FOCAD: variants seen among roughly 807,000 people sequenced by gnomAD.
FOCAD encodes the protein focadhesin.
A neutral mutation model predicts 225.6 loss-of-function variants in FOCAD; 198 were observed. That is an observed-to-expected ratio of 0.88 (90% CI 0.78 to 0.99). The LOEUF (loss-of-function observed/expected upper bound fraction) is 0.99. Ranked by LOEUF, FOCAD falls within the 50% of genes least tolerant of loss-of-function variation. The probability of loss-of-function intolerance (pLI) is 0.00; values close to 1 mark genes in which losing one functional copy is unlikely to be tolerated. For synonymous variants in FOCAD, 897 were observed against 755.0 expected (o/e 1.19, Z -3.08); for missense variants, 2,713 against 2,123.6 (o/e 1.28, Z -5.46).
chr9:20,986,534 T>C, intron 40 of FOCAD, 69 bp downstream of exon 40: 1 of 1,383,258 alleles, frequency 7.2e-7, no homozygotes, highest in Non-Finnish European at 9.6e-7. Flanking sequence ...TAAGTTGCAC[T>C]TGAGTTCTCA....
At chr9:20,948,500 G>C in intron 31 of FOCAD, 107 bp downstream of exon 31, 1 of 1,193,314 alleles carries the variant, frequency 8.4e-7, no homozygotes, top group Admixed American at 2.5e-5. Flanking sequence ...AATGGTAAAA[G>C]AATAGGCAAT....
chr9:20,887,921 T>C (rs936689330), intron 21 of FOCAD, among the ~76,000 whole-genome samples: 2 of 152,128 alleles, frequency 1.3e-5, no homozygotes, highest in Non-Finnish European at 2.9e-5. Flanking sequence ...GTGGTTTTAA[T>C]TTGTGTTTCC....
At chr9:20,687,159 T>A (rs1002230807) in intron 1 of FOCAD, among the ~76,000 whole-genome samples, 3 of 152,196 alleles carry the variant, frequency 2.0e-5, no homozygotes, top group Non-Finnish European at 2.9e-5. Context: ...CTGTATAGCT[T>A]TCCATTGTTC....
chr9:20,710,193 A>G (rs900283039), intron 1 of FOCAD, among the ~76,000 whole-genome samples: 3 of 149,998 alleles, frequency 2.0e-5, no homozygotes, highest in Non-Finnish European at 4.4e-5. Flanking sequence ...AGATTAGATC[A>G]TCAGAAAACT....
intron 18 of FOCAD, among the ~76,000 whole-genome samples, chr9:20,868,216 C>T (rs987281515): frequency 1.3e-5 from 2 of 152,096 alleles, no homozygotes; most frequent in Non-Finnish European, 2.9e-5. Context: ...CATATGCAAA[C>T]ACCTGCCAAT....
chr9:20,925,900 T>C (rs1834891483), intron 25 of FOCAD, among the ~76,000 whole-genome samples: 1 of 152,238 alleles, frequency 6.6e-6, no homozygotes, highest in Non-Finnish European at 1.5e-5. Context: ...GGGCTGCTTA[T>C]TGCCTCCTTT....
intron 5 of FOCAD, among the ~76,000 whole-genome samples, chr9:20,752,301 T>G (rs1293023372): frequency 2.8e-4 from 42 of 150,984 alleles, no homozygotes; most frequent in Middle Eastern, 3.4e-3. Context: ...GGTCTAACGT[T>G]TAAGTCTTTA....
At chr9:20,993,185 G>T in intron 42 of FOCAD, 68 bp from the exon 43 acceptor site, 1 of 1,318,364 alleles carries the variant, frequency 7.6e-7, no homozygotes, top group South Asian at 1.2e-5. Context: ...ATAGGTCCAA[G>T]GGAATAACTG....
intron 22 of FOCAD, among the ~76,000 whole-genome samples, chr9:20,911,445 G>T (rs999181449): frequency 6.6e-6 from 1 of 152,062 alleles, no homozygotes; most frequent in African/African-American, 2.4e-5. Flanking sequence ...TTATAGTCTG[G>T]ATATTACATT....
intron 8 of FOCAD, among the ~76,000 whole-genome samples, chr9:20,771,376 G>A (rs761165804): frequency 1.3e-5 from 2 of 152,192 alleles, no homozygotes; most frequent in Non-Finnish European, 2.9e-5. Context: ...AGATGGAGGA[G>A]GGTTTGGGAC....
At chr9:20,966,835 G>A (rs1436150139) in intron 35 of FOCAD, among the ~76,000 whole-genome samples, 1 of 151,898 alleles carries the variant, frequency 6.6e-6, no homozygotes, top group Non-Finnish European at 1.5e-5. Context: ...AAATATATAC[G>A]TAATTTCTAC....
chr9:20,866,917 T>TTTTTTTTTTTTTTAAA lies in FOCAD; in HGVS notation c.2107-12_2107-11insTTTTTTTTTTTTTAAA. The TTTTTTTTTTTTTTAAA allele has an allele frequency of 9.2e-6, 7 of 764,972 alleles. No individual in the cohort carries two copies. The highest frequency in any genetic ancestry group is 1.4e-5 in the Non-Finnish European group (7 of 498,468). The allele number at this position is 764,972 out of a possible 1,614,324, so 47.4% of individuals were successfully genotyped here. Reference sequence around the variant, plus strand: ...TTTTTTTTTTTTTTTTTTTTTTTTTTACCCTATCTAGGACCCAATTGTAGC... The same window carrying TTTTTTTTTTTTTTAAA: ...TTTTTTTTTTTTTTTTTTTTTTTTTTTTTTTTTTTTTTTAAAACCCTATCTAGGACCCAATTGTAGC... On this transcript the variant is annotated splice_polypyrimidine_tract_variant and intron_variant, in intron 17 of 43. Transcript: ENST00000338382.
At chr9:20,940,799 G>A (rs1802714418) in intron 28 of FOCAD, among the ~76,000 whole-genome samples, 1 of 152,186 alleles carries the variant, frequency 6.6e-6, no homozygotes, top group African/African-American at 2.4e-5. Flanking sequence ...ATAAGTGGCA[G>A]AGCCAAGAGA....
At chr9:20,701,489 ATTTAC>A (rs777718216) in intron 1 of FOCAD, among the ~76,000 whole-genome samples, 2 of 152,118 alleles carry the variant, frequency 1.3e-5, no homozygotes, top group African/African-American at 2.4e-5. Flanking sequence ...TTTAGTGATT[ATTTAC>A]TTATTTAAAA....
chr9:20,903,522 G>T (rs1250635400), intron 21 of FOCAD, among the ~76,000 whole-genome samples: 1 of 151,826 alleles, frequency 6.6e-6, no homozygotes, highest in Non-Finnish European at 1.5e-5. Flanking sequence ...AGCTTATAAT[G>T]GTTCTCTCTT....
chr9:20,829,220 C>A (rs1225687357), intron 15 of FOCAD, among the ~76,000 whole-genome samples: 1 of 152,000 alleles, frequency 6.6e-6, no homozygotes, highest in Non-Finnish European at 1.5e-5. Flanking sequence ...CTGCACCTTC[C>A]ATAATTGTTG....
Position 20,819,887 on chromosome 9 carries a change from T to C in FOCAD, c.1547T>C (p.Leu516Pro). 1 of 1,534,426 alleles carries C rather than the reference T, an allele frequency of 6.5e-7. No individual in the cohort carries two copies. Among genetic ancestry groups the C allele is most frequent in the South Asian group, 1.3e-5 (1 of 76,418 alleles). ...GATATATTGTATACTTTACCTAAGC[T>C]TGGTGTTCACAAGGTTAGTATGTTA... Reference protein sequence around the residue: ...YNDILYTLPKLGVHKVCIGQI... With the variant: ...YNDILYTLPKPGVHKVCIGQI... The change falls in exon 12 of 44, where the codon CTT (leucine) becomes CCT (proline). Residue 516 changes from leucine to proline, a missense_variant. Physicochemically the swap from Leu to Pro is moderately conservative, Grantham distance 98 (BLOSUM62 -3). Coordinates refer to ENST00000338382, the MANE Select transcript of FOCAD (RefSeq NM_001375567.1).
intron 11 of FOCAD, among the ~76,000 whole-genome samples, chr9:20,799,185 A>G (rs937499073): frequency 2.6e-5 from 4 of 152,112 alleles, no homozygotes; most frequent in Non-Finnish European, 5.9e-5. Context: ...CCCGAGTTCC[A>G]GTTTGATTGC....
chr9:20,980,284 A>G (rs1234635595), intron 37 of FOCAD, among the ~76,000 whole-genome samples: 4 of 152,198 alleles, frequency 2.6e-5, no homozygotes, highest in Non-Finnish European at 5.9e-5. Flanking sequence ...GAGGTCAAGC[A>G]AAGTTTGCCT....
Sources: allele counts gnomAD v4.1 joint callset (sites outside exome capture counted in the v4.1 genomes callset), GRCh38; gene constraint gnomAD v4.1.1; transcripts MANE v1.5; gene names NCBI Gene and HGNC (gene_info 2026-07-23, HGNC 2026-07-21).